Variants in NFIC observed in about 807,000 individuals in gnomAD.
NFIC encodes nuclear factor I C.
NFIC carries 12 observed loss-of-function variants against 54.4 expected under a neutral mutation model. The ratio of observed to expected loss-of-function variants is 0.22; its 90% CI spans 0.14 to 0.36. The LOEUF (loss-of-function observed/expected upper bound fraction) is 0.36. Ranked by LOEUF, NFIC falls within the 10% of genes least tolerant of loss-of-function variation. The probability of loss-of-function intolerance (pLI) is 1.00; values close to 1 mark genes in which losing one functional copy is unlikely to be tolerated. For synonymous variants in NFIC, 322 were observed against 319.2 expected (o/e 1.01, Z -0.09); for missense variants, 575 against 718.2 (o/e 0.80, Z 2.28).
At position 3,463,929 on chromosome 19, in the gene NFIC, A is replaced by C. The variant is rs1420070051; in HGVS notation, c.*1160A>C. 2 of 913,630 alleles carry C rather than the reference A, an allele frequency of 2.2e-6. No individual in the cohort carries two copies. Among genetic ancestry groups the C allele is most frequent in the Non-Finnish European group, 2.5e-6 (2 of 798,452 alleles). The allele number at this position is 913,630 out of a possible 1,614,324, so 56.6% of individuals were successfully genotyped here. A position where few individuals can be genotyped will look rare whatever the true frequency, so the allele number is the denominator to read the frequency against. ...CCCCCTCCCCTCCAGCCTCTCCACC[A>C]GCCCCTCCAGTCAACCCTCATCGCC... On this transcript the variant is annotated 3_prime_UTR_variant, in exon 11 of 11. Coordinates refer to ENST00000443272, the MANE Select transcript of NFIC (RefSeq NM_001245002.2).
chr19:3,370,352 T>A lies in NFIC; in HGVS notation c.30+3686T>A, dbSNP rs1350129711. Reference sequence around the variant, plus strand: ...CCACCACTCTCCCGCTGTATCTCCCTCTGGGTCTCTCTGTGCATCTCTCTC... The same window carrying A: ...CCACCACTCTCCCGCTGTATCTCCCACTGGGTCTCTCTGTGCATCTCTCTC... On this transcript the variant is annotated intron_variant, in intron 1 of 10. Transcript: ENST00000443272. The surrounding 1 kb of genome is among the most constrained non-coding windows in gnomAD (Gnocchi z 5.2). 1.3e-5 allele frequency among the ~76,000 whole-genome samples: 2 copies of A among 152,052 alleles called. No homozygotes were observed. Among genetic ancestry groups the A allele is most frequent in the African/African-American group, 2.4e-5 (1 of 41,384 alleles).
At chr19:3,394,519 A>ACC (rs138210089) in intron 2 of NFIC, among the ~76,000 whole-genome samples, 1,371 of 47,188 alleles carry the variant, frequency 0.029, 9 homozygotes, top group East Asian at 0.038. Flanking sequence ...TCTTTTCCCC[A>ACC]CCCACCCCCC....
chr19:3,434,228 A>G (rs1367887659), intron 4 of NFIC, 49 bp from the exon 5 acceptor site: 1 of 1,576,686 alleles, frequency 6.3e-7, no homozygotes, highest in African/African-American at 1.3e-5. Context: ...AGCAAACCGC[A>G]GCACTGGGCA....
At chr19:3,381,220 C>G (rs1165861066) in intron 1 of NFIC, among the ~76,000 whole-genome samples, 2 of 151,922 alleles carry the variant, frequency 1.3e-5, no homozygotes, top group Non-Finnish European at 2.9e-5. Flanking sequence ...CATGGTGAAA[C>G]CCCATCTTTC....
chr19:3,398,754 A>C (rs949991958), intron 2 of NFIC, among the ~76,000 whole-genome samples: 2 of 152,110 alleles, frequency 1.3e-5, no homozygotes, highest in Non-Finnish European at 2.9e-5. Context: ...TCGCTGCCTT[A>C]TGTAACCAGT....
Position 3,464,828 on chromosome 19 carries a change from C to T in NFIC, c.*2059C>T. 1 of 536,956 alleles carries T rather than the reference C, an allele frequency of 1.9e-6. No individual in the cohort carries two copies. The highest frequency in any genetic ancestry group is 2.4e-6 in the Non-Finnish European group (1 of 420,354). The allele number at this position is 536,956 out of a possible 1,614,324, so 33.3% of individuals were successfully genotyped here. A position where few individuals can be genotyped will look rare whatever the true frequency, so the allele number is the denominator to read the frequency against. ...CCGTCTGTCCTCGGGGCCCGCTCCC[C>T]CGGTGGCCCTTGGGGATCAAAGCGT... is the stretch of plus-strand genomic sequence containing the variant. On this transcript the variant is annotated 3_prime_UTR_variant, in exon 11 of 11. Transcript: ENST00000443272.
intron 7 of NFIC, among the ~76,000 whole-genome samples, chr19:3,450,896 G>A (rs188444715): frequency 2.0e-3 from 307 of 152,270 alleles, no homozygotes; most frequent in Non-Finnish European, 3.5e-3. Flanking sequence ...AAGTTTTATT[G>A]GCAAACAGCC....
At chr19:3,444,193 T>C (rs1312021564) in intron 6 of NFIC, among the ~76,000 whole-genome samples, 6 of 142,758 alleles carry the variant, frequency 4.2e-5, no homozygotes, top group Non-Finnish European at 9.3e-5. Flanking sequence ...GGAGGTCAGA[T>C]GGGCGTGTGT....
intron 2 of NFIC, among the ~76,000 whole-genome samples, chr19:3,400,139 A>G (rs115159544): frequency 0.029 from 4,414 of 152,290 alleles, 217 homozygotes; most frequent in African/African-American, 0.1. Context: ...TATGCCAGGC[A>G]CTGCTCCAGG....
chr19:3,431,081 TA>T (rs1204171198), intron 3 of NFIC, among the ~76,000 whole-genome samples: 1 of 152,064 alleles, frequency 6.6e-6, no homozygotes, highest in East Asian at 1.9e-4. Flanking sequence ...TATTTTTATT[TA>T]TTTACTGGTT....
intron 2 of NFIC, among the ~76,000 whole-genome samples, chr19:3,415,553 G>A (rs981180192): frequency 6.6e-6 from 1 of 152,054 alleles, no homozygotes; most frequent in African/African-American, 2.4e-5. Context: ...GGGTTTGTCT[G>A]AGACCACACA....
At chr19:3,419,724 G>A (rs1489738486) in intron 2 of NFIC, among the ~76,000 whole-genome samples, 2 of 151,422 alleles carry the variant, frequency 1.3e-5, no homozygotes, top group Admixed American at 6.6e-5. Context: ...ACTTGAACCC[G>A]GGAGGCAGAG....
chr19:3,361,793 T>G (rs552785369), upstream of NFIC, among the ~76,000 whole-genome samples: 4 of 152,260 alleles, frequency 2.6e-5, no homozygotes, highest in Admixed American at 6.5e-5. Context: ...CATGGCCCTC[T>G]GTCCCCATTT....
chr19:3,404,418 G>A (rs891534304), intron 2 of NFIC, among the ~76,000 whole-genome samples: 97 of 152,282 alleles, frequency 6.4e-4, no homozygotes, highest in Non-Finnish European at 2.2e-4. Context: ...ATGGGGAGGG[G>A]GCGCGGAGGC....
chr19:3,417,132 G>T (rs1311511781), intron 2 of NFIC, among the ~76,000 whole-genome samples: 4 of 150,700 alleles, frequency 2.7e-5, no homozygotes, highest in Non-Finnish European at 4.5e-5. Flanking sequence ...TGATCCGCCC[G>T]CCTTGGCCTC....
intron 2 of NFIC, among the ~76,000 whole-genome samples, chr19:3,402,973 C>T (rs2081580950): frequency 1.3e-5 from 2 of 152,170 alleles, no homozygotes; most frequent in Non-Finnish European, 1.5e-5. Flanking sequence ...TCCCCCAAAT[C>T]TCTTAATGTT....
rs183229720 is a variant in NFIC, at chr19:3,422,456, G to A, written c.563-2650G>A. Among the ~76,000 whole-genome samples the A allele has an allele frequency of 6.7e-4, 101 of 150,872 alleles. No homozygotes were observed. The East Asian group carries it at 0.019, about 28-fold the overall frequency. On this transcript the variant is annotated intron_variant, in intron 2 of 10. Coordinates refer to ENST00000443272, the MANE Select transcript of NFIC (RefSeq NM_001245002.2). ...AGTGAGGCCGGGCGCGGTGGCTCAC[G>A]CCTGTAATCCCAGCACTTTGGGAGG...
rs1000867768 is a variant in NFIC at position 3,464,219 on chromosome 19, C to T, written c.*1450C>T. 6 of 985,122 alleles carry T rather than the reference C, an allele frequency of 6.1e-6. No individual in the cohort carries two copies. The highest frequency in any genetic ancestry group is 4.8e-6 in the Non-Finnish European group (4 of 829,920). 61.0% of individuals were successfully genotyped at this position (985,122 alleles called of 1,614,324 possible). ...CTGCGGGACGTGCATCACGGCTGGG[C>T]CCCCAGAGGAGAGAGGAGGCCGACG... On this transcript the variant is annotated 3_prime_UTR_variant, in exon 11 of 11. Coordinates refer to ENST00000443272, the MANE Select transcript of NFIC (RefSeq NM_001245002.2).
chr19:3,450,428 G>A (rs981243082), intron 7 of NFIC, among the ~76,000 whole-genome samples: 3 of 151,696 alleles, frequency 2.0e-5, no homozygotes, highest in African/African-American at 7.3e-5. Flanking sequence ...GGCCGAGGCA[G>A]GCGGATCACC....
Sources: gnomAD v4.1 joint callset for allele counts (sites outside exome capture counted in the v4.1 genomes callset) on GRCh38, gnomAD v4.1.1 for gene constraint, Gnocchi (gnomAD v3.1) non-coding constraint, MANE v1.5 for transcripts, NCBI Gene and HGNC (gene_info 2026-07-23, HGNC 2026-07-21) for gene names.